The following WDFY3 variants were observed in gnomAD, a reference collection of about 807,000 sequenced individuals.
WDFY3 encodes WD repeat and FYVE domain-containing protein 3.
Under a neutral mutation model 409.6 loss-of-function variants are expected in WDFY3, and 66 were observed. The ratio of observed to expected loss-of-function variants is 0.16; its 90% CI spans 0.13 to 0.20. The LOEUF (loss-of-function observed/expected upper bound fraction) is 0.20. Ranked by LOEUF, WDFY3 falls within the 10% of genes least tolerant of loss-of-function variation. The pLI is 1.00. For synonymous variants in WDFY3, 1,521 were observed against 1,537.1 expected (o/e 0.99, Z 0.25); for missense variants, 3,031 against 4,298.1 (o/e 0.71, Z 8.24).
At chr4:84,891,839 TTA>T (rs1281471540) in intron 3 of WDFY3, among the ~76,000 whole-genome samples, 2 of 152,150 alleles carry the variant, frequency 1.3e-5, no homozygotes, top group Non-Finnish European at 2.9e-5. Flanking sequence ...CTAGAGTATC[TTA>T]AGTGGCAACT....
intron 51 of WDFY3, among the ~76,000 whole-genome samples, chr4:84,710,233 C>T (rs1254639900): frequency 6.6e-6 from 1 of 152,028 alleles, no homozygotes; most frequent in Non-Finnish European, 1.5e-5. Context: ...TCCAAGCATA[C>T]TTAATTAGAA....
intron 36 of WDFY3, 34 bp downstream of exon 36, chr4:84,751,449 C>T (rs927749023): frequency 6.2e-7 from 1 of 1,601,004 alleles, no homozygotes; most frequent in African/African-American, 1.3e-5. Flanking sequence ...AAAAGTAATG[C>T]AAAAGAGATG....
rs1755744042 is a variant in WDFY3 at position 84,831,606 on chromosome 4, C to A, written c.577-1G>T. 1 of 1,598,402 alleles carries A rather than the reference C, an allele frequency of 6.3e-7. No individual in the cohort carries two copies. Among genetic ancestry groups the A allele is most frequent in the African/African-American group, 1.3e-5 (1 of 74,110 alleles). ...CAAAACTGCACAGTTTCACTAAGAT[C>A]TAAAAAATAAAACAAAACAAAACAA... On this transcript the variant is annotated splice_acceptor_variant, in intron 7 of 67. Coordinates refer to ENST00000295888, the MANE Select transcript of WDFY3 (RefSeq NM_014991.6). LOFTEE classifies it high-confidence loss of function.
intron 58 of WDFY3, among the ~76,000 whole-genome samples, chr4:84,694,046 G>A (rs564529308): frequency 2.0e-5 from 3 of 152,008 alleles, no homozygotes; most frequent in South Asian, 2.1e-4. Context: ...AGATAAATAC[G>A]ACACCATCAC....
At chr4:84,938,135 G>A (rs1484504116) in intron 1 of WDFY3, among the ~76,000 whole-genome samples, 4 of 152,150 alleles carry the variant, frequency 2.6e-5, no homozygotes, top group Non-Finnish European at 4.4e-5. Flanking sequence ...CAATGGTTTT[G>A]TTTAGTTTAA....
intron 1 of WDFY3, among the ~76,000 whole-genome samples, chr4:84,945,650 A>G (rs1772725720): frequency 1.3e-5 from 2 of 152,280 alleles, no homozygotes; most frequent in East Asian, 1.9e-4. Flanking sequence ...GCTGTCCTAT[A>G]GTACATAAAA....
chr4:84,753,607 G>A, intron 35 of WDFY3, 90 bp downstream of exon 35: 1 of 1,384,720 alleles, frequency 7.2e-7, no homozygotes, highest in East Asian at 2.6e-5. Flanking sequence ...TTAAAAGACT[G>A]TCAAAAAAAA....
chr4:84,771,626 T>G (rs1004289288), intron 30 of WDFY3, among the ~76,000 whole-genome samples: 1 of 152,160 alleles, frequency 6.6e-6, no homozygotes, highest in African/African-American at 2.4e-5. Context: ...TCCTATATAG[T>G]CAATGGTATG....
intron 62 of WDFY3, 48 bp from the exon 63 acceptor site, chr4:84,684,173 C>G: frequency 1.4e-6 from 2 of 1,455,264 alleles, no homozygotes; most frequent in Non-Finnish European, 1.8e-6. Flanking sequence ...CTTCCAATTA[C>G]CTTCTGGTTT....
chr4:84,753,121 T>C (rs1368937687), intron 35 of WDFY3, among the ~76,000 whole-genome samples: 1 of 152,220 alleles, frequency 6.6e-6, no homozygotes, highest in African/African-American at 2.4e-5. Flanking sequence ...CCAGGCAGCA[T>C]TTTTGGGCTT....
At chr4:84,768,624 G>A (rs2149405672) in intron 30 of WDFY3, among the ~76,000 whole-genome samples, 1 of 152,276 alleles carries the variant, frequency 6.6e-6, no homozygotes, top group South Asian at 2.1e-4. Flanking sequence ...CAGAAAAAAA[G>A]GTTCCTTTCA....
In WDFY3 at chr4:84,677,412, C is replaced by A. The variant is rs1726477179; in HGVS notation, c.10260-16G>T. On this transcript the variant is annotated splice_polypyrimidine_tract_variant and intron_variant, in intron 66 of 67. Transcript: ENST00000295888. ...ACTGTGATCCCTGCAGGAGACACGA[C>A]AGAGGAGGTCACTGCACGGAAGGCT... 6.3e-7 allele frequency: 1 copy of A among 1,577,730 alleles called. No homozygotes were observed. The highest frequency in any genetic ancestry group is 1.8e-5 in the Admixed American group (1 of 54,552).
Position 84,709,335 on chromosome 4 carries a change from A to G in WDFY3, c.8055T>C (p.Leu2685=), listed in dbSNP as rs1732504869. The change falls in exon 52 of 68, where the codon CTT becomes CTC. Residue 2685 remains leucine, a synonymous_variant. Coordinates refer to ENST00000295888, the MANE Select transcript of WDFY3 (RefSeq NM_014991.6). ...NTSVEQGSGL[L]STLVGEKSVT... ...CAGACTTCTCTCCAACCAAAGTGCT[A>G]AGTAACCCAGATCTAAAAGCAATAC... 1 of 1,610,850 alleles carries G rather than the reference A, an allele frequency of 6.2e-7. No individual in the cohort carries two copies.
At chr4:84,915,746 A>C (rs766362494) in intron 2 of WDFY3, among the ~76,000 whole-genome samples, 45 of 152,176 alleles carry the variant, frequency 3.0e-4, no homozygotes, top group Non-Finnish European at 5.9e-5. Context: ...ATTTTTAATA[A>C]TCAAAACTGT....
intron 51 of WDFY3, among the ~76,000 whole-genome samples, chr4:84,709,901 A>G (rs1201355259): frequency 6.6e-6 from 1 of 152,006 alleles, no homozygotes; most frequent in Non-Finnish European, 1.5e-5. Context: ...TAATTTTTGT[A>G]TTTTTAGTAG....
At chr4:84,853,045 C>T (rs185476811) in intron 4 of WDFY3, among the ~76,000 whole-genome samples, 1,700 of 152,152 alleles carry the variant, frequency 0.011, 27 homozygotes, top group African/African-American at 0.039. Context: ...AGGCATGAGC[C>T]ACTGTGCCCG....
chr4:84,805,369 ACATT>A (rs769432816), intron 15 of WDFY3, among the ~76,000 whole-genome samples: 2 of 152,202 alleles, frequency 1.3e-5, no homozygotes, highest in Non-Finnish European at 2.9e-5. Flanking sequence ...AAAAGGAATT[ACATT>A]CATTGTTTTC....
At position 84,951,484 on chromosome 4, in the gene WDFY3, C is replaced by G. The variant is rs145215210; in HGVS notation, c.-226+14725G>C. 3.2e-3 allele frequency among the ~76,000 whole-genome samples: 490 copies of G among 152,216 alleles called. 4 individuals carry two copies. The highest frequency in any genetic ancestry group is 0.011 in the African/African-American group (450 of 41,536). On this transcript the variant is annotated intron_variant, in intron 1 of 67. Coordinates refer to ENST00000295888, the MANE Select transcript of WDFY3 (RefSeq NM_014991.6). ...TTTGTATTGATCCTTTAAATGATAA[C>G]AGATGATGTAATATAAAAAATCTAA...
At position 84,736,210 on chromosome 4, in the gene WDFY3, C is replaced by T; in HGVS notation, c.6875G>A (p.Arg2292Gln). The change falls in exon 42 of 68, where the codon CGA becomes CAA. Residue 2292 changes from arginine (R) to glutamine (Q), a missense_variant. By Grantham distance (43) the Arg-to-Gln change is conservative. This residue lies in a region of WDFY3 where 98 missense variants were observed against 194.9 expected (regional missense o/e 0.50). Coordinates refer to ENST00000295888, the MANE Select transcript of WDFY3 (RefSeq NM_014991.6). ...LSKLTGSRRN[R>Q]KESGLNKHSL... is the part of the protein sequence containing the mutation. ...GTGTTTATTAAGACCACTTTCTTTT[C>T]GATTCCTTCTTGATCCTGTTAACTT... 6.2e-7 allele frequency: 1 copy of T among 1,612,412 alleles called. No homozygotes were observed. Among genetic ancestry groups the T allele is most frequent in the Non-Finnish European group, 8.5e-7 (1 of 1,179,112 alleles).
Sources: allele counts gnomAD v4.1 joint callset (sites outside exome capture counted in the v4.1 genomes callset), GRCh38; gene constraint gnomAD v4.1.1; regional missense constraint gnomAD v4.1.1; transcripts MANE v1.5; gene names NCBI Gene and HGNC (gene_info 2026-07-23, HGNC 2026-07-21).